LINGO2: variants seen among roughly 807,000 people sequenced by gnomAD.
LINGO2 encodes leucine rich repeat and Ig domain containing 2.
Under a neutral mutation model 30.6 loss-of-function variants are expected in LINGO2, and 14 were observed. The ratio of observed to expected loss-of-function variants is 0.46; its 90% CI spans 0.30 to 0.72. The LOEUF is 0.72. Ranked by LOEUF, LINGO2 falls within the 30% of genes least tolerant of loss-of-function variation. The pLI is 0.07. For missense variants in LINGO2, 729 were observed against 751.7 expected, an observed-to-expected ratio of 0.97 and a Z score of 0.35; for synonymous variants, 317 against 288.5, an observed-to-expected ratio of 1.10 and a Z score of -1.00.
intron 1 of LINGO2, among the ~76,000 whole-genome samples, chr9:28,627,208 G>A (rs749052365): frequency 6.6e-6 from 1 of 151,956 alleles, no homozygotes; most frequent in Non-Finnish European, 1.5e-5. Flanking sequence ...TCTACAAGAT[G>A]TTCCAGGTAT....
chr9:28,765,173 C>A, the LINGO2 span, among the ~76,000 whole-genome samples: 1 of 151,584 alleles, frequency 6.6e-6, no homozygotes, highest in Non-Finnish European at 1.5e-5. Context: ...TCACAAAAGG[C>A]CCAAAACAAA....
the LINGO2 span, among the ~76,000 whole-genome samples, chr9:28,793,276 A>T: frequency 6.6e-6 from 1 of 152,206 alleles, no homozygotes; most frequent in Non-Finnish European, 1.5e-5. Context: ...TCTGTATTTT[A>T]ATTGAATACA....
intron 4 of LINGO2, among the ~76,000 whole-genome samples, chr9:28,181,185 T>C (rs1430852883): frequency 6.6e-6 from 1 of 152,132 alleles, no homozygotes; most frequent in East Asian, 1.9e-4. Flanking sequence ...CACGTGCAGC[T>C]CTTACCACCA....
chr9:29,055,358 A>C, the LINGO2 span, among the ~76,000 whole-genome samples: 1 of 152,182 alleles, frequency 6.6e-6, no homozygotes, highest in African/African-American at 2.4e-5. Context: ...AAGTTTCATC[A>C]TGTTATTGCA....
chr9:28,154,656 A>C (rs1269560093), intron 4 of LINGO2, among the ~76,000 whole-genome samples: 1 of 152,230 alleles, frequency 6.6e-6, no homozygotes, highest in Non-Finnish European at 1.5e-5. Flanking sequence ...TGTGCAATTT[A>C]TAATCAAAGG....
At chr9:28,639,811 C>T (rs888288703) in intron 1 of LINGO2, among the ~76,000 whole-genome samples, 2 of 152,074 alleles carry the variant, frequency 1.3e-5, no homozygotes, top group African/African-American at 4.8e-5. Flanking sequence ...GAGCATTTAG[C>T]CTATTTACAT....
the LINGO2 span, among the ~76,000 whole-genome samples, chr9:28,997,139 T>A: frequency 6.6e-6 from 1 of 152,098 alleles, no homozygotes; most frequent in Non-Finnish European, 1.5e-5. Context: ...ATAATAATCA[T>A]AGTGGAAGGA....
chr9:28,682,568 T>TA, the LINGO2 span, among the ~76,000 whole-genome samples: 1 of 152,114 alleles, frequency 6.6e-6, no homozygotes. Flanking sequence ...TTTTGCCAGG[T>TA]ACTTTTATAA....
the LINGO2 span, among the ~76,000 whole-genome samples, chr9:28,950,114 C>T: frequency 6.6e-6 from 1 of 152,168 alleles, no homozygotes; most frequent in Non-Finnish European, 1.5e-5. Flanking sequence ...AAACGTAATC[C>T]ACCACATAAA....
At chr9:28,353,816 T>C (rs1019477441) in intron 3 of LINGO2, among the ~76,000 whole-genome samples, 30 of 152,036 alleles carry the variant, frequency 2.0e-4, no homozygotes, top group African/African-American at 6.0e-4. Context: ...TGGAATACTA[T>C]GCAGCCATAA....
At chr9:28,299,962 A>C (rs144414400) in intron 3 of LINGO2, among the ~76,000 whole-genome samples, 66 of 152,248 alleles carry the variant, frequency 4.3e-4, no homozygotes, top group Non-Finnish European at 8.5e-4. Flanking sequence ...ATAGATTTCC[A>C]ATTCACTTGA....
intron 3 of LINGO2, among the ~76,000 whole-genome samples, chr9:28,334,276 A>G (rs925018681): frequency 3.3e-5 from 5 of 152,182 alleles, no homozygotes; most frequent in African/African-American, 2.4e-5. Flanking sequence ...ACGAAACTCT[A>G]TTTGTAAATC....
the LINGO2 span, among the ~76,000 whole-genome samples, chr9:29,055,042 A>T: frequency 6.6e-6 from 1 of 152,066 alleles, no homozygotes; most frequent in Non-Finnish European, 1.5e-5. Flanking sequence ...AATTTGGTGA[A>T]GCCCCATCTC....
In LINGO2 at chr9:28,664,996, C is replaced by CATATATATATATAT. The variant is rs10527878; in HGVS notation, c.-365+5190_-365+5203dup. ...TCTGTATTATTTATGTATGTGTTTA[C>CATATATATATATAT]ATATATATATATATATATATATATA... On this transcript the variant is annotated intron_variant, in intron 1 of 5. Coordinates refer to ENST00000379992, the Ensembl canonical transcript of LINGO2. Among the ~76,000 whole-genome samples the CATATATATATATAT allele has an allele frequency of 1.7e-3, 161 of 96,240 alleles. 7 individuals carry two copies. The highest frequency in any genetic ancestry group is 2.8e-3 in the Non-Finnish European group (122 of 43,954). 63.1% of individuals were successfully genotyped at this position (96,240 alleles called of 152,430 possible). A position where few individuals can be genotyped will look rare whatever the true frequency, so the allele number is the denominator to read the frequency against.
the LINGO2 span, among the ~76,000 whole-genome samples, chr9:28,869,094 C>A: frequency 6.6e-6 from 1 of 152,100 alleles, no homozygotes; most frequent in Admixed American, 6.6e-5. Context: ...ATAGTTAGAA[C>A]ACTGAATTCA....
chr9:28,199,341 C>CT (rs750852723), intron 4 of LINGO2, among the ~76,000 whole-genome samples: 6 of 134,810 alleles, frequency 4.5e-5, no homozygotes, highest in East Asian at 2.3e-4. Context: ...TCTTCTTCTT[C>CT]TTCTTTTTTT....
chr9:28,067,836 T>C (rs974328271), intron 4 of LINGO2, among the ~76,000 whole-genome samples: 3 of 152,176 alleles, frequency 2.0e-5, no homozygotes, highest in Non-Finnish European at 4.4e-5. Flanking sequence ...AATGCTACGA[T>C]GTAGATACGT....
intron 2 of LINGO2, among the ~76,000 whole-genome samples, chr9:28,426,343 G>GT (rs1823413312): frequency 6.6e-6 from 1 of 152,058 alleles, no homozygotes; most frequent in African/African-American, 2.4e-5. Context: ...CATAGGACGT[G>GT]TAATTCCAGA....
chr9:29,044,488 T>A, the LINGO2 span, among the ~76,000 whole-genome samples: 1 of 151,944 alleles, frequency 6.6e-6, no homozygotes, highest in African/African-American at 2.4e-5. Context: ...CTCTCATACA[T>A]TGCTAGTGAG....
Sources: allele counts gnomAD v4.1 joint callset (sites outside exome capture counted in the v4.1 genomes callset), GRCh38; gene constraint gnomAD v4.1.1; transcripts MANE v1.5; gene names NCBI Gene and HGNC (gene_info 2026-07-23, HGNC 2026-07-21).